Variants in DPP10 observed in about 807,000 individuals in gnomAD.
The protein encoded by DPP10 is inactive dipeptidyl peptidase 10.
A neutral mutation model predicts 120.9 loss-of-function variants in DPP10; 33 were observed. The observed-to-expected ratio is 0.27, with a 90% CI of 0.21 to 0.37. The LOEUF is 0.37. Among genes scored for constraint, DPP10 ranks in the 10% least tolerant of loss-of-function variants. The pLI is 1.00. For missense variants in DPP10, 816 were observed against 942.8 expected (o/e 0.87, Z 1.76); for synonymous variants, 337 against 326.1 (o/e 1.03, Z -0.36).
At chr2:115,394,660 C>G (rs1386947712) in intron 3 of DPP10, among the ~76,000 whole-genome samples, 1 of 151,950 alleles carries the variant, frequency 6.6e-6, no homozygotes, top group Non-Finnish European at 1.5e-5. Context: ...CAATCTTTAC[C>G]CTGAATAACA....
chr2:115,743,505 C>T (rs1677549022), intron 9 of DPP10, among the ~76,000 whole-genome samples: 2 of 152,120 alleles, frequency 1.3e-5, no homozygotes, highest in Admixed American at 6.6e-5. Flanking sequence ...AATTTAATTT[C>T]CCGCTTGCTT....
intron 19 of DPP10, among the ~76,000 whole-genome samples, chr2:115,799,606 C>G (rs1484908582): frequency 7.9e-6 from 1 of 126,414 alleles, no homozygotes; most frequent in Non-Finnish European, 1.6e-5. Context: ...CACAACAGGC[C>G]CTGGTGTGTG....
intron 5 of DPP10, among the ~76,000 whole-genome samples, chr2:115,636,768 C>T (rs1051942307): frequency 1.3e-5 from 2 of 152,012 alleles, no homozygotes; most frequent in Non-Finnish European, 1.5e-5. Context: ...AAAAAAATTA[C>T]CACATAGCTG....
intron 1 of DPP10, among the ~76,000 whole-genome samples, chr2:114,721,146 A>G (rs1477085239): frequency 1.3e-5 from 2 of 152,214 alleles, no homozygotes; most frequent in South Asian, 2.1e-4. Flanking sequence ...GACTTCTTCA[A>G]GCATCTAAAT....
intron 1 of DPP10, among the ~76,000 whole-genome samples, chr2:114,564,354 C>A (rs1689032444): frequency 6.6e-6 from 1 of 152,034 alleles, no homozygotes; most frequent in African/African-American, 2.4e-5. Context: ...TATATATCTT[C>A]ATTTAGCTTA....
intron 7 of DPP10, among the ~76,000 whole-genome samples, chr2:115,716,730 A>G (rs1025596166): frequency 2.7e-5 from 4 of 148,492 alleles, no homozygotes; most frequent in Non-Finnish European, 5.9e-5. Flanking sequence ...ACAAACAAAC[A>G]AACACTATTT....
intron 1 of DPP10, among the ~76,000 whole-genome samples, chr2:114,814,622 T>C (rs1685469019): frequency 6.6e-6 from 1 of 151,920 alleles, no homozygotes; most frequent in Admixed American, 6.6e-5. Flanking sequence ...GTAGATATGG[T>C]GGCTCTCGAG....
intron 1 of DPP10, among the ~76,000 whole-genome samples, chr2:114,497,202 T>C (rs1286947037): frequency 1.3e-5 from 2 of 150,164 alleles, no homozygotes; most frequent in Non-Finnish European, 3.0e-5. Context: ...TGTGTATGCA[T>C]GTGTACATAT....
In DPP10 at chr2:114,794,388, A is replaced by C. The variant is rs1315058408; in HGVS notation, c.60+351550A>C. 3.3e-5 allele frequency among the ~76,000 whole-genome samples: 5 copies of C among 152,300 alleles called. No individual in the cohort carries two copies. In the East Asian group the frequency reaches 5.8e-4, roughly 18 times the overall value. On this transcript the variant is annotated intron_variant, in intron 1 of 25. Coordinates refer to ENST00000410059, the MANE Select transcript of DPP10 (RefSeq NM_020868.6). The stretch of plus-strand genomic sequence containing the variant: ...GCAAAGTCACTCTCCCACAGATTTC[A>C]CAGAACTTAGAGATTCAGAGAAAGC...
chr2:114,800,270 A>T (rs1684079699), intron 1 of DPP10, among the ~76,000 whole-genome samples: 1 of 152,252 alleles, frequency 6.6e-6, no homozygotes, highest in African/African-American at 2.4e-5. Flanking sequence ...CAAAGTTATC[A>T]TGCTAGTAGA....
intron 1 of DPP10, among the ~76,000 whole-genome samples, chr2:114,473,768 T>TA (rs1388416866): frequency 6.6e-6 from 1 of 152,220 alleles, no homozygotes; most frequent in Non-Finnish European, 1.5e-5. Context: ...ATTTTTATGA[T>TA]ACATTTTTAG....
chr2:114,626,419 T>C (rs1187119718), intron 1 of DPP10, among the ~76,000 whole-genome samples: 6 of 152,088 alleles, frequency 3.9e-5, no homozygotes, highest in Non-Finnish European at 8.8e-5. Context: ...GTTTTTCAAA[T>C]CTAAATTACA....
chr2:115,294,560 C>T (rs567861937), intron 1 of DPP10, among the ~76,000 whole-genome samples: 6 of 151,544 alleles, frequency 4.0e-5, no homozygotes, highest in Non-Finnish European at 8.8e-5. Context: ...TATGACTTTT[C>T]TTCTTTGAAA....
At chr2:114,699,388 G>A (rs1700255849) in intron 1 of DPP10, among the ~76,000 whole-genome samples, 1 of 152,112 alleles carries the variant, frequency 6.6e-6, no homozygotes, top group African/African-American at 2.4e-5. Flanking sequence ...AAAAGGAAAT[G>A]TGGGCACTTA....
In DPP10 at chr2:115,467,502, G is replaced by A. The variant is rs1416924856; in HGVS notation, c.272-32008G>A. Among the ~76,000 whole-genome samples, 4 of 150,780 alleles carry A rather than the reference G, an allele frequency of 2.7e-5. No homozygotes were observed. The East Asian group carries it at 5.9e-4, about 22-fold the overall frequency. ...TGAGGCAGGAGAATTGCTTTAACCC[G>A]GGAGGCAGAGGTTGCAGTGAGCCGA... On this transcript the variant is annotated intron_variant, in intron 3 of 25. Coordinates refer to ENST00000410059, the MANE Select transcript of DPP10 (RefSeq NM_020868.6).
chr2:115,250,055 C>T (rs1378242278), intron 1 of DPP10, among the ~76,000 whole-genome samples: 1 of 151,878 alleles, frequency 6.6e-6, no homozygotes, highest in South Asian at 2.1e-4. Flanking sequence ...TCTCCAAATA[C>T]ATTAGGCTAT....
intron 1 of DPP10, among the ~76,000 whole-genome samples, chr2:114,567,522 T>C (rs781672406): frequency 2.0e-5 from 3 of 152,176 alleles, no homozygotes; most frequent in Non-Finnish European, 2.9e-5. Context: ...CCAAGGAACG[T>C]ATGAGGCATC....
chr2:115,392,565 A>G (rs1045108838), intron 3 of DPP10, among the ~76,000 whole-genome samples: 4 of 152,168 alleles, frequency 2.6e-5, no homozygotes, highest in African/African-American at 9.6e-5. Flanking sequence ...GCATAAGTGG[A>G]AAACATGCAA....
chr2:115,517,225 A>G (rs2077552106), intron 4 of DPP10, among the ~76,000 whole-genome samples: 1 of 152,176 alleles, frequency 6.6e-6, no homozygotes, highest in Non-Finnish European at 1.5e-5. Context: ...CTTAGGAGCT[A>G]TTAATGGATA....
Sources: gnomAD v4.1 joint callset for allele counts (sites outside exome capture counted in the v4.1 genomes callset) on GRCh38, gnomAD v4.1.1 for gene constraint, MANE v1.5 for transcripts, NCBI Gene and HGNC (gene_info 2026-07-23, HGNC 2026-07-21) for gene names.